YTHDC1: variants seen among roughly 807,000 people sequenced by gnomAD.
YTHDC1 encodes the protein YTH domain-containing protein 1.
Under a neutral mutation model 107.0 loss-of-function variants are expected in YTHDC1, and 12 were observed. That is an observed-to-expected ratio of 0.11 (90% CI 0.07 to 0.18). The LOEUF (loss-of-function observed/expected upper bound fraction) is 0.18. Among genes scored for constraint, YTHDC1 ranks in the 10% least tolerant of loss-of-function variants. The pLI, the probability that YTHDC1 is intolerant of heterozygous loss-of-function variation, is 1.00. For synonymous variants in YTHDC1, 280 were observed against 289.5 expected (o/e 0.97, Z 0.33); for missense variants, 635 against 898.8 (o/e 0.71, Z 3.75).
At chr4:68,332,959 C>G in intron 5 of YTHDC1, 112 bp from the exon 6 acceptor site, 1 of 873,982 alleles carries the variant, frequency 1.1e-6, no homozygotes, top group South Asian at 1.6e-5. Context: ...TTCTTCCTGG[C>G]GCACCCACAC....
chr4:68,336,760 A>C (rs1329120505), intron 4 of YTHDC1, among the ~76,000 whole-genome samples: 1 of 152,210 alleles, frequency 6.6e-6, no homozygotes, highest in Non-Finnish European at 1.5e-5. Context: ...CAGAAATCTG[A>C]AATACATTTC....
At chr4:68,331,132 G>A (rs892572006) in intron 7 of YTHDC1, among the ~76,000 whole-genome samples, 1 of 152,066 alleles carries the variant, frequency 6.6e-6, no homozygotes, top group Non-Finnish European at 1.5e-5. Flanking sequence ...ATCACCTCTA[G>A]AATACTTATA....
chr4:68,322,510 G>T lies in YTHDC1; in HGVS notation c.1601+239C>A. On this transcript the variant is annotated intron_variant, in intron 11 of 16. Coordinates refer to ENST00000344157, the MANE Select transcript of YTHDC1 (RefSeq NM_001031732.4). This position sits in a 1 kb window ranked among gnomAD's most constrained non-coding sequence, Gnocchi z 4.8. ...TCAGAGTATTATCTAATCTAAACTG[G>T]TTATCACTGGTTATACTTTTTTCTG... 1 of 502,182 alleles carries T rather than the reference G, an allele frequency of 2.0e-6. No homozygotes were observed. The highest frequency in any genetic ancestry group is 3.6e-5 in the South Asian group (1 of 27,438). The allele number at this position is 502,182 out of a possible 1,614,324, so 31.1% of individuals were successfully genotyped here.
At chr4:68,342,921 GTTTTTAACCATTTCC>G (rs1725007375) in intron 1 of YTHDC1, among the ~76,000 whole-genome samples, 1 of 151,982 alleles carries the variant, frequency 6.6e-6, no homozygotes, top group African/African-American at 2.4e-5. Flanking sequence ...CTGAACAAAC[GTTTTTAACCATTTCC>G]TTTGTCCTGA....
intron 10 of YTHDC1, among the ~76,000 whole-genome samples, chr4:68,323,459 G>A (rs187161321): frequency 6.6e-6 from 1 of 152,262 alleles, no homozygotes; most frequent in Non-Finnish European, 1.5e-5. Flanking sequence ...CAGGCATAGT[G>A]GCTCATGCCT....
In YTHDC1 at chr4:68,310,391, AT is replaced by A. The variant is rs147377568; in HGVS notation, c.*3707del. 778 of 152,354 alleles carry A rather than the reference AT, an allele frequency of 5.1e-3. 6 individuals carry two copies. The highest frequency in any genetic ancestry group is 0.018 in the African/African-American group (733 of 41,580). 9.4% of individuals were successfully genotyped at this position (152,354 alleles called of 1,614,324 possible). ...TAGTCTGTGTTTAAGACATAGTAGTATTTAAGATACATTTAATGTATTTATT... is the reference window on the plus strand; with the variant it reads ...TAGTCTGTGTTTAAGACATAGTAGTATTAAGATACATTTAATGTATTTATT... On this transcript the variant is annotated 3_prime_UTR_variant, in exon 17 of 17. Coordinates refer to ENST00000344157, the MANE Select transcript of YTHDC1 (RefSeq NM_001031732.4).
intron 1 of YTHDC1, among the ~76,000 whole-genome samples, chr4:68,346,800 TTGATCTCTTACAGTCCCTGAC>T (rs1314078610): frequency 6.6e-6 from 1 of 152,184 alleles, no homozygotes; most frequent in Non-Finnish European, 1.5e-5. Context: ...ATTGTTGTGG[TTGATCTCTTACAGTCCCTGAC>T]TTATAAATTA....
chr4:68,329,062 A>C (rs1385109746), intron 9 of YTHDC1, among the ~76,000 whole-genome samples: 1 of 152,138 alleles, frequency 6.6e-6, no homozygotes, highest in Non-Finnish European at 1.5e-5. Context: ...TGCTATTTGT[A>C]ATATATCACT....
At chr4:68,336,952 A>C in intron 4 of YTHDC1, 75 bp downstream of exon 4, 1 of 1,504,638 alleles carries the variant, frequency 6.6e-7, no homozygotes, top group Non-Finnish European at 8.9e-7. Context: ...CAACAATTTT[A>C]TAATTTAAAC....
At position 68,310,651 on chromosome 4, in the gene YTHDC1, A is replaced by ATGTGT. The variant is rs1405349941; in HGVS notation, c.*3443_*3447dup. On this transcript the variant is annotated 3_prime_UTR_variant, in exon 17 of 17. Coordinates refer to ENST00000344157, the MANE Select transcript of YTHDC1 (RefSeq NM_001031732.4). The stretch of plus-strand genomic sequence containing the variant: ...CTTTCCTGTGTGCCTCAATTTTAAT[A>ATGTGT]TGTGTTTCAAACTGCATTTGGAATG... The ATGTGT allele has an allele frequency of 1.4e-5, 2 of 146,814 alleles. No homozygotes were observed. The highest frequency in any genetic ancestry group is 3.1e-5 in the Non-Finnish European group (2 of 64,386). The allele number at this position is 146,814 out of a possible 1,614,324, so 9.1% of individuals were successfully genotyped here. A position where few individuals can be genotyped will look rare whatever the true frequency, so the allele number is the denominator to read the frequency against.
chr4:68,332,483 T>C (rs573813172), intron 6 of YTHDC1, among the ~76,000 whole-genome samples: 27 of 152,150 alleles, frequency 1.8e-4, no homozygotes, highest in African/African-American at 6.5e-4. Flanking sequence ...CTTACTCAGA[T>C]TCAAGAATAA....
rs1347694455 is a variant in YTHDC1, at chr4:68,312,306, G to A, written c.*1793C>T. The A allele has an allele frequency of 6.6e-6, 1 of 152,102 alleles. No individual in the cohort carries two copies. Among genetic ancestry groups the A allele is most frequent in the African/African-American group, 2.4e-5 (1 of 41,434 alleles). The allele number at this position is 152,102 out of a possible 1,614,324, so 9.4% of individuals were successfully genotyped here. A position where few individuals can be genotyped will look rare whatever the true frequency, so the allele number is the denominator to read the frequency against. ...GCACAAAGTCTCTATTGCATACAAA[G>A]TGCTCAGTATTTATTCCTATTATTT... On this transcript the variant is annotated 3_prime_UTR_variant, in exon 17 of 17. Coordinates refer to ENST00000344157, the MANE Select transcript of YTHDC1 (RefSeq NM_001031732.4).
intron 1 of YTHDC1, among the ~76,000 whole-genome samples, chr4:68,338,967 C>T (rs1269395908): frequency 6.6e-6 from 1 of 152,196 alleles, no homozygotes; most frequent in Non-Finnish European, 1.5e-5. Flanking sequence ...AAGAATGTCT[C>T]TATTTTTACC....
chr4:68,349,798 G>C lies in YTHDC1; in HGVS notation c.-45C>G, dbSNP rs1134033. 7 of 1,611,526 alleles carry C rather than the reference G, an allele frequency of 4.3e-6. No individual in the cohort carries two copies. Among genetic ancestry groups the C allele is most frequent in the Non-Finnish European group, 5.9e-6 (7 of 1,178,980 alleles). On this transcript the variant is annotated 5_prime_UTR_variant, in exon 1 of 17. Coordinates refer to ENST00000344157, the MANE Select transcript of YTHDC1 (RefSeq NM_001031732.4). Reference sequence around the variant, plus strand: ...CCGCTGCCACCGCCGCCGCCGCTTAGACGCGACTCGCGCGGGCGCCGCAGC... The same window carrying C: ...CCGCTGCCACCGCCGCCGCCGCTTACACGCGACTCGCGCGGGCGCCGCAGC...
intron 1 of YTHDC1, among the ~76,000 whole-genome samples, chr4:68,341,609 A>ACTT (rs1724809328): frequency 6.6e-6 from 1 of 151,966 alleles, no homozygotes. Flanking sequence ...AGCAAAGAAT[A>ACTT]TGTCAGAGAA....
At chr4:68,343,167 T>C (rs376696220) in intron 1 of YTHDC1, among the ~76,000 whole-genome samples, 3 of 152,194 alleles carry the variant, frequency 2.0e-5, no homozygotes, top group South Asian at 4.1e-4. Flanking sequence ...GATGTCTATA[T>C]AGAGAACTAT....
chr4:68,314,404 A>C, intron 16 of YTHDC1, 81 bp from the exon 17 acceptor site: 1 of 1,183,658 alleles, frequency 8.4e-7, no homozygotes, highest in Middle Eastern at 2.4e-4. Flanking sequence ...AAAAAAATTT[A>C]TATAAACAAT....
At position 68,314,341 on chromosome 4, in the gene YTHDC1, T is replaced by A. The variant is rs200170448; in HGVS notation, c.1960-18A>T. The A allele has an allele frequency of 2.1e-4, 338 of 1,612,968 alleles. 2 individuals are homozygous for A. In the East Asian group the frequency reaches 7.5e-3, roughly 36 times the overall value. ...TAATCATGCTAGAAAAGGAAAGAAA[T>A]GTGTTAGGTATGTCAAAAAGGCAAA... On this transcript the variant is annotated intron_variant, in intron 16 of 16. Coordinates refer to ENST00000344157, the MANE Select transcript of YTHDC1 (RefSeq NM_001031732.4).
At chr4:68,339,469 A>G (rs1385586313) in intron 1 of YTHDC1, among the ~76,000 whole-genome samples, 2 of 152,338 alleles carry the variant, frequency 1.3e-5, no homozygotes, top group African/African-American at 2.4e-5. Flanking sequence ...GTAAGTAGCA[A>G]TGTTATTTTT....
Sources: gnomAD v4.1 joint callset for allele counts (sites outside exome capture counted in the v4.1 genomes callset) on GRCh38, gnomAD v4.1.1 for gene constraint, Gnocchi (gnomAD v3.1) non-coding constraint, MANE v1.5 for transcripts, NCBI Gene and HGNC (gene_info 2026-07-23, HGNC 2026-07-21) for gene names.